The following MEP1A variants were observed in gnomAD, a reference collection of about 807,000 sequenced individuals.
The protein encoded by MEP1A is N-benzoyl-L-tyrosyl-P-amino-benzoic acid hydrolase subunit alpha.
In MEP1A, 68 loss-of-function variants were observed where a neutral mutation model predicts 84.5. The observed-to-expected ratio is 0.80, with a 90% confidence interval of 0.66 to 0.98. The LOEUF (loss-of-function observed/expected upper bound fraction) is 0.98, where lower values mean the gene tolerates loss of function less well. Ranked by LOEUF, MEP1A falls within the 50% of genes least tolerant of loss-of-function variation. The pLI, the probability that MEP1A is intolerant of heterozygous loss-of-function variation, is 0.00. For missense variants in MEP1A, 887 were observed against 919.9 expected (o/e 0.96, Z 0.46); for synonymous variants, 337 against 336.8 (o/e 1.00, Z -0.01).
At chr6:46,800,223 C>G (rs1767163598) in intron 5 of MEP1A, among the ~76,000 whole-genome samples, 2 of 152,166 alleles carry the variant, frequency 1.3e-5, no homozygotes, top group African/African-American at 4.8e-5. Flanking sequence ...TCCTGGTTGT[C>G]ACATCTGCAC....
chr6:46,824,136 C>T (rs950830541), intron 7 of MEP1A, among the ~76,000 whole-genome samples: 4 of 152,024 alleles, frequency 2.6e-5, no homozygotes, highest in African/African-American at 4.8e-5. Flanking sequence ...GCTGTTAGAA[C>T]GATGTGTCTT....
chr6:46,834,351 C>A (rs1273119210), intron 11 of MEP1A, among the ~76,000 whole-genome samples: 2 of 151,952 alleles, frequency 1.3e-5, no homozygotes, highest in Admixed American at 1.3e-4. Flanking sequence ...TGATTCTCTG[C>A]CTCTCCCATC....
chr6:46,816,996 G>A (rs1045250169), intron 6 of MEP1A, among the ~76,000 whole-genome samples: 1 of 152,178 alleles, frequency 6.6e-6, no homozygotes, highest in Non-Finnish European at 1.5e-5. Flanking sequence ...TTGATCAACA[G>A]TGGATAAAGA....
At chr6:46,794,434 A>AT (rs1200673614) in intron 3 of MEP1A, among the ~76,000 whole-genome samples, 3 of 152,136 alleles carry the variant, frequency 2.0e-5, no homozygotes, top group African/African-American at 7.2e-5. Context: ...TGCTGTTTTC[A>AT]TTTTTTTGGG....
At position 46,839,747 on chromosome 6, in the gene MEP1A, C is replaced by G. The variant is rs1355606741; in HGVS notation, c.*611C>G. On this transcript the variant is annotated 3_prime_UTR_variant, in exon 14 of 14. Transcript: ENST00000230588. ...TTCCTCTGAGATTCTAAGAGAAGGC[C>G]TTTAATAAATTTAATAAATATTGAG... The G allele has an allele frequency of 6.6e-6, 1 of 152,034 alleles. No homozygotes were observed. The highest frequency in any genetic ancestry group is 1.5e-5 in the Non-Finnish European group (1 of 68,024). The allele number at this position is 152,034 out of a possible 1,614,324, so 9.4% of individuals were successfully genotyped here.
intron 5 of MEP1A, among the ~76,000 whole-genome samples, chr6:46,804,119 C>T (rs974832001): frequency 6.6e-6 from 1 of 151,576 alleles, no homozygotes; most frequent in East Asian, 1.9e-4. Context: ...GCTCCTCATT[C>T]CTCCTGTAAA....
Position 46,819,719 on chromosome 6 carries a change from A to C in MEP1A, c.556+15A>C. ...AATTCTTTCAGGTGTGATTGGGCGG[A>C]GATTGCTATCACATTTATCACTGGC... On this transcript the variant is annotated intron_variant, in intron 7 of 13. Coordinates refer to ENST00000230588, the MANE Select transcript of MEP1A (RefSeq NM_005588.3). 1 of 1,610,446 alleles carries C rather than the reference A, an allele frequency of 6.2e-7. No homozygotes were observed. Among genetic ancestry groups the C allele is most frequent in the South Asian group, 1.1e-5 (1 of 90,220 alleles).
chr6:46,829,025 C>A (rs1581685859), intron 9 of MEP1A, among the ~76,000 whole-genome samples: 1 of 152,150 alleles, frequency 6.6e-6, no homozygotes, highest in Non-Finnish European at 1.5e-5. Flanking sequence ...AGAATGAAGT[C>A]AATGAGAAAA....
chr6:46,833,245 G>A lies in MEP1A; in HGVS notation c.1316G>A (p.Arg439Gln), dbSNP rs765090084. ...TGCCCCACAGGGGTCTGGACAGTCC[G>A]GAATTTCTCCCAAGTCCTTGAGAAC... ...TPCPTGVWTVRNFSQVLENTS... is the reference protein window; with the variant it reads ...TPCPTGVWTVQNFSQVLENTS... Residue 439 changes from arginine to glutamine, a missense_variant, in exon 11 of 14, where the codon CGG (arginine) becomes CAG (glutamine). By Grantham distance (43) the Arg-to-Gln change is conservative. Coordinates refer to ENST00000230588, the MANE Select transcript of MEP1A (RefSeq NM_005588.3). 8.3e-5 allele frequency: 134 copies of A among 1,614,050 alleles called. No individual in the cohort carries two copies. The highest frequency in any genetic ancestry group is 1.3e-4 in the East Asian group (6 of 44,894).
intron 10 of MEP1A, among the ~76,000 whole-genome samples, chr6:46,832,267 G>A (rs151095740): frequency 7.6e-4 from 116 of 152,208 alleles, no homozygotes; most frequent in Non-Finnish European, 1.1e-3. Context: ...ATCTCTTTGC[G>A]GAATTGAGTT....
chr6:46,809,928 T>C (rs1256873507), intron 6 of MEP1A, among the ~76,000 whole-genome samples: 3 of 151,876 alleles, frequency 2.0e-5, no homozygotes, highest in Admixed American at 6.6e-5. Flanking sequence ...TAAACATCCA[T>C]GTGCAAGTAT....
At chr6:46,832,681 AT>A (rs1289543923) in intron 10 of MEP1A, among the ~76,000 whole-genome samples, 1 of 151,732 alleles carries the variant, frequency 6.6e-6, no homozygotes, top group African/African-American at 2.4e-5. Context: ...TGGAGTTACT[AT>A]TTTTTTTACT....
At position 46,833,092 on chromosome 6, in the gene MEP1A, G is replaced by A. The variant is rs1448273301; in HGVS notation, c.1163G>A (p.Trp388Ter). Residue 388 changes from tryptophan (W) to a stop codon, truncating the protein, a stop_gained, in exon 11 of 14, where the codon TGG (tryptophan) becomes TAG (stop). Coordinates refer to ENST00000230588, the MANE Select transcript of MEP1A (RefSeq NM_005588.3). LOFTEE classifies it high-confidence loss of function. ...QTFQGDDDHN[W>*]KIAHVVLKEE... The stretch of plus-strand genomic sequence containing the variant: ...TCCTCAGGAGATGATGACCACAATT[G>A]GAAAATTGCCCATGTGGTGCTCAAA... 5.2e-6 allele frequency: 8 copies of A among 1,525,310 alleles called. No individual in the cohort carries two copies. The highest frequency in any genetic ancestry group is 6.1e-6 in the Non-Finnish European group (7 of 1,140,222). The allele number at this position is 1,525,310 out of a possible 1,614,324, so 94.5% of individuals were successfully genotyped here. A position where few individuals can be genotyped will look rare whatever the true frequency, so the allele number is the denominator to read the frequency against.
intron 6 of MEP1A, among the ~76,000 whole-genome samples, chr6:46,812,868 C>T (rs183677955): frequency 6.6e-6 from 1 of 152,086 alleles, no homozygotes; most frequent in East Asian, 1.9e-4. Context: ...TTTACTGAGA[C>T]TTGTTTTGTG....
At chr6:46,803,574 T>C (rs1221426347) in intron 5 of MEP1A, among the ~76,000 whole-genome samples, 1 of 151,638 alleles carries the variant, frequency 6.6e-6, no homozygotes, top group African/African-American at 2.4e-5. Flanking sequence ...CTCTGCTTTA[T>C]ATTTAGTTGC....
At chr6:46,802,295 G>A (rs1031274554) in intron 5 of MEP1A, among the ~76,000 whole-genome samples, 6 of 151,800 alleles carry the variant, frequency 4.0e-5, no homozygotes, top group African/African-American at 1.5e-4. Context: ...GACCTTGTGT[G>A]TCTTTGGTAA....
chr6:46,815,478 C>T (rs961527637), intron 6 of MEP1A, among the ~76,000 whole-genome samples: 2 of 152,174 alleles, frequency 1.3e-5, no homozygotes, highest in African/African-American at 2.4e-5. Flanking sequence ...CATTTCCAGT[C>T]GTCTGGTGAC....
intron 6 of MEP1A, among the ~76,000 whole-genome samples, chr6:46,814,419 A>T (rs951435676): frequency 6.6e-6 from 1 of 151,938 alleles, no homozygotes; most frequent in Non-Finnish European, 1.5e-5. Context: ...TATTTATGCT[A>T]TCTATTTCAC....
chr6:46,818,559 T>C (rs188169745), intron 6 of MEP1A, among the ~76,000 whole-genome samples: 13 of 152,268 alleles, frequency 8.5e-5, no homozygotes, highest in African/African-American at 2.2e-4. Flanking sequence ...GAAAAAATAA[T>C]TGGGGGGAGA....
Sources: allele counts gnomAD v4.1 joint callset (sites outside exome capture counted in the v4.1 genomes callset), GRCh38; gene constraint gnomAD v4.1.1; transcripts MANE v1.5; gene names NCBI Gene and HGNC (gene_info 2026-07-23, HGNC 2026-07-21).